The following ZNF101 variants were observed in gnomAD, a reference collection of about 807,000 sequenced individuals.
ZNF101 encodes the protein zinc finger protein 101 (Y2).
Under a neutral mutation model 42.6 loss-of-function variants are expected in ZNF101, and 34 were observed. That is an observed-to-expected ratio of 0.80 (90% CI 0.61 to 1.06). The LOEUF (loss-of-function observed/expected upper bound fraction) is 1.06. Ranked by LOEUF, ZNF101 falls within the 50% of genes least tolerant of loss-of-function variation. ZNF101 has a pLI of 0.00. For missense variants in ZNF101, 466 were observed against 530.9 expected (o/e 0.88, Z 1.20); for synonymous variants, 158 against 183.9 (o/e 0.86, Z 1.14).
chr19:19,668,832 G>GC (rs1006410144), upstream of ZNF101: 45 of 1,194,514 alleles, frequency 3.8e-5, no homozygotes, highest in East Asian at 4.5e-4. Flanking sequence ...TTTCCCGCCG[G>GC]CCCCCCATTC....
Position 19,668,940 on chromosome 19 carries a change from A to AC in ZNF101, c.-21dup, listed in dbSNP as rs763491242. Reference sequence around the variant, plus strand: ...TCTGGCTGCTCCAGCCCCAGGAAGGACCCAGGACACCCGGAAGCCGGAAAT... The same window carrying AC: ...TCTGGCTGCTCCAGCCCCAGGAAGGACCCCAGGACACCCGGAAGCCGGAAAT... On this transcript the variant is annotated 5_prime_UTR_variant, in exon 1 of 4. Transcript: ENST00000592502. The AC allele has an allele frequency of 7.6e-6, 12 of 1,585,122 alleles. No homozygotes were observed. The Admixed American group carries it at 1.4e-4, about 19-fold the overall frequency.
In ZNF101 at chr19:19,682,494, T is replaced by A. The variant is rs1197916370; in HGVS notation, c.*2194T>A. The A allele has an allele frequency of 2.0e-5, 3 of 152,200 alleles. No homozygotes were observed. The highest frequency in any genetic ancestry group is 6.6e-5 in the Admixed American group (1 of 15,258). 9.4% of individuals were successfully genotyped at this position (152,200 alleles called of 1,614,324 possible). A position where few individuals can be genotyped will look rare whatever the true frequency, so the allele number is the denominator to read the frequency against. On this transcript the variant is annotated 3_prime_UTR_variant, in exon 4 of 4. Transcript: ENST00000592502. ...CTTCAGCCTCGCAAAGTGCTGAGAT[T>A]ATAGGCATGAGACACCTTGCCCGGC...
rs1568438973 is a variant in ZNF101, at chr19:19,679,470, G to C, written c.481G>C (p.Val161Leu). 3.7e-6 allele frequency: 6 copies of C among 1,614,156 alleles called. No homozygotes were observed. Among genetic ancestry groups the C allele is most frequent in the Admixed American group, 1.7e-5 (1 of 60,002 alleles). ...CCCCAGTAGTGGTGCACGGCGCACA[G>C]TAACACCAACTCGAAAGAGACCTTA... ...ISPSSGARRT[V>L]TPTRKRPYEC... Residue 161 changes from valine (V) to leucine (L), a missense_variant, in exon 4 of 4, where the codon GTA (valine) becomes CTA (leucine). Transcript: ENST00000592502.
At chr19:19,677,590 CA>C (rs2062209753) in intron 1 of ZNF101, 2 of 326,710 alleles carry the variant, frequency 6.1e-6, no homozygotes, top group Non-Finnish European at 1.1e-5. Context: ...ATTCACTCTG[CA>C]AAGAGCATTT....
rs982107506 is a variant in ZNF101, at chr19:19,669,064, T to G, written c.3+98T>G. 2.7e-6 allele frequency: 4 copies of G among 1,473,836 alleles called. No individual in the cohort carries two copies. In the African/African-American group the frequency reaches 4.2e-5, roughly 16 times the overall value. The allele number at this position is 1,473,836 out of a possible 1,614,324, so 91.3% of individuals were successfully genotyped here. On this transcript the variant is annotated intron_variant, in intron 1 of 3. Transcript: ENST00000592502. ...CCTCCCCGCGGCGACTGTGGGGGTC[T>G]GGGACCCGAGTCCCCCAGGCGCAGC... is the stretch of plus-strand genomic sequence containing the variant.
At chr19:19,674,185 T>A (rs1288739913) in intron 1 of ZNF101, among the ~76,000 whole-genome samples, 1 of 152,066 alleles carries the variant, frequency 6.6e-6, no homozygotes, top group Non-Finnish European at 1.5e-5. Context: ...TGTAGCTGAC[T>A]TTTTTGGTCT....
At chr19:19,668,429 G>A (rs925680975), upstream of ZNF101, among the ~76,000 whole-genome samples, 2 of 152,084 alleles carry the variant, frequency 1.3e-5, no homozygotes, top group Non-Finnish European at 2.9e-5. Flanking sequence ...TGCCGGTTCA[G>A]CTGAAGTCTT....
rs778961956 is a variant in ZNF101, at chr19:19,679,303, G to T, written c.314G>T (p.Ser105Ile). The T allele has an allele frequency of 2.9e-5, 47 of 1,614,176 alleles. No individual in the cohort carries two copies. The South Asian group carries it at 3.7e-4, about 13-fold the overall frequency. ...SQTGVKPCKC[S>I]VCGKVFLRHS... is the part of the protein sequence containing the mutation. The stretch of plus-strand genomic sequence containing the variant: ...ACTGGAGTGAAACCATGCAAATGCA[G>T]CGTGTGTGGGAAAGTCTTCCTCCGT... Residue 105 changes from serine to isoleucine, a missense_variant, in exon 4 of 4, where the codon AGC (serine) becomes ATC (isoleucine). Transcript: ENST00000592502.
intron 1 of ZNF101, among the ~76,000 whole-genome samples, chr19:19,671,749 T>G (rs1305625818): frequency 6.6e-6 from 1 of 152,162 alleles, no homozygotes; most frequent in African/African-American, 2.4e-5. Flanking sequence ...TCCGCCCGCC[T>G]CGGCCTCCCA....
At chr19:19,670,393 G>T (rs1030250489) in intron 1 of ZNF101, among the ~76,000 whole-genome samples, 1 of 152,152 alleles carries the variant, frequency 6.6e-6, no homozygotes, top group Admixed American at 6.5e-5. Flanking sequence ...ACAGGCATGC[G>T]CCACGCCCGG....
At chr19:19,672,193 A>AT (rs963861664) in intron 1 of ZNF101, 2 of 149,936 alleles carry the variant, frequency 1.3e-5, no homozygotes, top group East Asian at 1.9e-4. Context: ...TATTTATTTT[A>AT]TTTTTTTACT....
At chr19:19,678,262 T>C (rs1249974282) in intron 2 of ZNF101, among the ~76,000 whole-genome samples, 6 of 150,128 alleles carry the variant, frequency 4.0e-5, no homozygotes, top group Non-Finnish European at 7.4e-5. Flanking sequence ...GGTGGGCAAT[T>C]GTGGCAGCTC....
chr19:19,676,978 A>G (rs2062206338), intron 1 of ZNF101: 1 of 152,152 alleles, frequency 6.6e-6, no homozygotes, highest in Non-Finnish European at 1.5e-5. Flanking sequence ...CATTTGGAAG[A>G]AGGGACATCT....
At chr19:19,671,182 C>T (rs965471088) in intron 1 of ZNF101, among the ~76,000 whole-genome samples, 2 of 152,198 alleles carry the variant, frequency 1.3e-5, no homozygotes, top group African/African-American at 4.8e-5. Context: ...AGCACATCAG[C>T]TCCTCTCCTT....
At chr19:19,676,370 C>A (rs1004695731) in intron 1 of ZNF101, 1 of 151,928 alleles carries the variant, frequency 6.6e-6, no homozygotes, top group Non-Finnish European at 1.5e-5. Flanking sequence ...CACCCTACTA[C>A]TCTACATGCC....
In ZNF101 at chr19:19,677,944, C is replaced by A. The variant is rs772462293; in HGVS notation, c.84C>A (p.Leu28=). ...WALLSPSQKN[L]YRDVTLETFR... ...TGCTGAGTCCTTCCCAGAAGAATCT[C>A]TACAGAGATGTGACGCTGGAAACCT... Residue 28 remains leucine, a synonymous_variant, in exon 2 of 4, where the codon CTC becomes CTA. Coordinates refer to ENST00000592502, the MANE Select transcript of ZNF101 (RefSeq NM_033204.4). 6.2e-7 allele frequency: 1 copy of A among 1,612,652 alleles called. No individual in the cohort carries two copies. Among genetic ancestry groups the A allele is most frequent in the Non-Finnish European group, 8.5e-7 (1 of 1,179,082 alleles).
At chr19:19,668,731 G>T (rs930160661), upstream of ZNF101, 6 of 494,742 alleles carry the variant, frequency 1.2e-5, no homozygotes, top group Non-Finnish European at 2.2e-5. Context: ...GCGGGACCTG[G>T]GGCACCAGCC....
At chr19:19,675,404 C>T (rs2062196488) in intron 1 of ZNF101, among the ~76,000 whole-genome samples, 1 of 152,086 alleles carries the variant, frequency 6.6e-6, no homozygotes, top group South Asian at 2.1e-4. Flanking sequence ...TCCCAAAGTG[C>T]TGGGATTACA....
rs574748891 is a variant in ZNF101 at position 19,668,894 on chromosome 19, A to T, written c.-70A>T. ...GCCCCTGGTGCCCCGGATACGGCTG[A>T]TTTTGTCGTGTGGGACCTGTTCTGG... On this transcript the variant is annotated 5_prime_UTR_variant, in exon 1 of 4. Coordinates refer to ENST00000592502, the MANE Select transcript of ZNF101 (RefSeq NM_033204.4). 1.3e-6 allele frequency: 2 copies of T among 1,523,122 alleles called. No individual in the cohort carries two copies. The highest frequency in any genetic ancestry group is 1.8e-6 in the Non-Finnish European group (2 of 1,127,624). The allele number at this position is 1,523,122 out of a possible 1,614,324, so 94.4% of individuals were successfully genotyped here. A position where few individuals can be genotyped will look rare whatever the true frequency, so the allele number is the denominator to read the frequency against.
Sources: allele counts gnomAD v4.1 joint callset (sites outside exome capture counted in the v4.1 genomes callset), GRCh38; gene constraint gnomAD v4.1.1; transcripts MANE v1.5; gene names NCBI Gene and HGNC (gene_info 2026-07-23, HGNC 2026-07-21).